Variants in PTPRE observed in about 807,000 individuals in gnomAD.
The protein encoded by PTPRE is protein tyrosine phosphatase receptor type E, also known as receptor-type tyrosine-protein phosphatase epsilon.
Under a neutral mutation model 102.0 loss-of-function variants are expected in PTPRE, and 51 were observed. The ratio of observed to expected loss-of-function variants is 0.50; its 90% CI spans 0.40 to 0.63. The LOEUF (loss-of-function observed/expected upper bound fraction) is 0.63. PTPRE is among the 30% of genes least tolerant of loss of function. The pLI, the probability that PTPRE is intolerant of heterozygous loss-of-function variation, is 0.00. For missense variants in PTPRE, 752 were observed against 915.1 expected (o/e 0.82, Z 2.30); for synonymous variants, 345 against 348.2 (o/e 0.99, Z 0.10).
chr10:128,072,065 C>T, intron 15 of PTPRE, 73 bp from the exon 16 acceptor site: 2 of 1,303,004 alleles, frequency 1.5e-6, no homozygotes, highest in Non-Finnish European at 2.2e-6. Context: ...ATTTTGCAAG[C>T]TTGTAGCAAT....
chr10:128,059,858 G>A (rs1487517472), intron 7 of PTPRE, among the ~76,000 whole-genome samples: 1 of 152,138 alleles, frequency 6.6e-6, no homozygotes, highest in African/African-American at 2.4e-5. Flanking sequence ...GTTCTATGGA[G>A]GAAGCTGCAA....
intron 2 of PTPRE, chr10:127,999,390 A>T: frequency 3.9e-6 from 1 of 253,844 alleles, no homozygotes; most frequent in Non-Finnish European, 6.2e-6. Context: ...CTTTTATTTT[A>T]GAACTAAATG....
At position 128,015,281 on chromosome 10, in the gene PTPRE, C is replaced by T. The variant is rs544402439; in HGVS notation, c.-7-25594C>T. 3.3e-5 allele frequency among the ~76,000 whole-genome samples: 5 copies of T among 152,264 alleles called. No individual in the cohort carries two copies. In the East Asian group the frequency reaches 7.7e-4, roughly 23 times the overall value. On this transcript the variant is annotated intron_variant, in intron 2 of 20. Transcript: ENST00000254667. ...GAATGGGGCCGGGCCTCGTGGCTCA[C>T]GCCTATAATCCCAGCACTTTGGGAG... is the stretch of plus-strand genomic sequence containing the variant.
At chr10:127,951,232 C>A (rs184951066) in intron 1 of PTPRE, among the ~76,000 whole-genome samples, 133 of 152,286 alleles carry the variant, frequency 8.7e-4, no homozygotes, top group African/African-American at 3.1e-3. Context: ...AATGAATTCC[C>A]AGACTTGAGC....
intron 1 of PTPRE, among the ~76,000 whole-genome samples, chr10:127,979,111 A>G (rs1421293488): frequency 6.6e-6 from 1 of 152,242 alleles, no homozygotes; most frequent in African/African-American, 2.4e-5. Context: ...GAGAGATGCC[A>G]TAAGCAGTGC....
chr10:127,989,615 C>T (rs1179547950), intron 2 of PTPRE, among the ~76,000 whole-genome samples: 10 of 152,206 alleles, frequency 6.6e-5, no homozygotes, highest in African/African-American at 1.9e-4. Context: ...AAAAAACAGT[C>T]GGCTCTCATT....
intron 1 of PTPRE, among the ~76,000 whole-genome samples, chr10:127,961,295 C>T (rs1849790977): frequency 6.6e-6 from 1 of 152,106 alleles, no homozygotes; most frequent in South Asian, 2.1e-4. Flanking sequence ...ACAGCGTCCC[C>T]TTTTTGGAGC....
At chr10:128,049,495 G>A (rs773380725) in intron 5 of PTPRE, 35 bp from the exon 6 acceptor site, 10 of 1,610,726 alleles carry the variant, frequency 6.2e-6, no homozygotes, top group Middle Eastern at 3.3e-4. Flanking sequence ...CAGGAATGTG[G>A]CTAAATGGCC....
At chr10:128,061,586 T>C (rs895949177) in intron 8 of PTPRE, 93 bp from the exon 9 acceptor site, 1 of 1,447,286 alleles carries the variant, frequency 6.9e-7, no homozygotes, top group Non-Finnish European at 9.2e-7. Context: ...TTTTCCATGG[T>C]GAATATGTAC....
At position 127,933,539 on chromosome 10, in the gene PTPRE, C is replaced by T. The variant is rs11813895; in HGVS notation, c.-31+26230C>T. Among the ~76,000 whole-genome samples the T allele has an allele frequency of 1.7e-3, 260 of 152,246 alleles. 2 individuals are homozygous for T. The highest frequency in any genetic ancestry group is 6.8e-3 in the Middle Eastern group (2 of 294). On this transcript the variant is annotated intron_variant, in intron 1 of 20. Coordinates refer to ENST00000254667, the MANE Select transcript of PTPRE (RefSeq NM_006504.6). ...ACACCATGGGCCCAATTAAACTCTGCGAGAATTCTGATGTGCGATAAAAAT... is the reference window on the plus strand; with the variant it reads ...ACACCATGGGCCCAATTAAACTCTGTGAGAATTCTGATGTGCGATAAAAAT...
At chr10:127,940,576 C>T (rs1057438416) in intron 1 of PTPRE, among the ~76,000 whole-genome samples, 2 of 152,228 alleles carry the variant, frequency 1.3e-5, no homozygotes, top group East Asian at 1.9e-4. Context: ...GGTGTTGCTG[C>T]ACCTCTGCTG....
chr10:128,020,172 C>G (rs1845760638), intron 2 of PTPRE, among the ~76,000 whole-genome samples: 1 of 152,240 alleles, frequency 6.6e-6, no homozygotes, highest in African/African-American at 2.4e-5. Flanking sequence ...TAAGCCCACA[C>G]TTTTCCACAG....
intron 1 of PTPRE, among the ~76,000 whole-genome samples, chr10:127,970,092 T>TA (rs963952485): frequency 1.9e-4 from 29 of 151,702 alleles, no homozygotes; most frequent in Admixed American, 2.6e-4. Context: ...CACACACGCG[T>TA]AAAAAAAAGA....
At chr10:127,928,090 A>G (rs1006400828) in intron 1 of PTPRE, among the ~76,000 whole-genome samples, 6 of 152,192 alleles carry the variant, frequency 3.9e-5, no homozygotes, top group Non-Finnish European at 8.8e-5. Flanking sequence ...AAGATTGTAA[A>G]TTGCATTAGT....
chr10:128,032,683 C>T (rs950884118), intron 2 of PTPRE, among the ~76,000 whole-genome samples: 2 of 152,216 alleles, frequency 1.3e-5, no homozygotes, highest in African/African-American at 4.8e-5. Flanking sequence ...TGGCACCAGC[C>T]AGTTGAGCTG....
chr10:128,075,910 T>G (rs2136057528), intron 17 of PTPRE, among the ~76,000 whole-genome samples: 1 of 152,360 alleles, frequency 6.6e-6, no homozygotes, highest in Non-Finnish European at 1.5e-5. Flanking sequence ...CTTATTGATT[T>G]ATAGGAGCTC....
intron 1 of PTPRE, among the ~76,000 whole-genome samples, chr10:127,966,932 A>G (rs1054563348): frequency 1.3e-5 from 2 of 152,286 alleles, no homozygotes; most frequent in Non-Finnish European, 2.9e-5. Flanking sequence ...GAAAAAAATG[A>G]TTAAAATCAG....
intron 1 of PTPRE, among the ~76,000 whole-genome samples, chr10:127,958,300 T>C (rs1041361931): frequency 6.6e-6 from 1 of 152,236 alleles, no homozygotes; most frequent in African/African-American, 2.4e-5. Flanking sequence ...GTCTAGTTTC[T>C]TACCATTAAC....
In PTPRE at chr10:127,995,092, G is replaced by A. The variant is rs560421155; in HGVS notation, c.-8+12796G>A. ...AAATCTGACCTCAGCCCAGTCCCATGGTGGTGCCTATTCCATCAGGGCAGA... is the reference window on the plus strand; with the variant it reads ...AAATCTGACCTCAGCCCAGTCCCATAGTGGTGCCTATTCCATCAGGGCAGA... On this transcript the variant is annotated intron_variant, in intron 2 of 20. Coordinates refer to ENST00000254667, the MANE Select transcript of PTPRE (RefSeq NM_006504.6). 2.0e-5 allele frequency among the ~76,000 whole-genome samples: 3 copies of A among 152,280 alleles called. No homozygotes were observed. The East Asian group carries it at 5.8e-4, about 29-fold the overall frequency.
Sources: allele counts gnomAD v4.1 joint callset (sites outside exome capture counted in the v4.1 genomes callset), GRCh38; gene constraint gnomAD v4.1.1; transcripts MANE v1.5; gene names NCBI Gene and HGNC (gene_info 2026-07-23, HGNC 2026-07-21).